The following EVL variants were observed in gnomAD, a reference collection of about 807,000 sequenced individuals.
EVL encodes Enah/Vasp-like, also known as ena/VASP-like protein.
A neutral mutation model predicts 59.6 loss-of-function variants in EVL; 21 were observed. The ratio of observed to expected loss-of-function variants is 0.35; its 90% CI spans 0.25 to 0.51. The LOEUF (loss-of-function observed/expected upper bound fraction) is 0.51. Among genes scored for constraint, EVL ranks in the 20% least tolerant of loss-of-function variants. EVL has a pLI of 0.97. For missense variants in EVL, 462 were observed against 546.6 expected (o/e 0.85, Z 1.54); for synonymous variants, 198 against 203.5 (o/e 0.97, Z 0.23).
chr14:100,128,762 T>C lies in EVL; in HGVS notation c.717+14T>C. ...AGAGTCCAACGGGTAAGAGCTCCTG[T>C]GTGCGGGGTGGGAATGGGACCGAGG... On this transcript the variant is annotated intron_variant, in intron 6 of 13. Coordinates refer to ENST00000392920, the MANE Select transcript of EVL (RefSeq NM_016337.3). 1 of 1,599,656 alleles carries C rather than the reference T, an allele frequency of 6.3e-7. No homozygotes were observed. Among genetic ancestry groups the C allele is most frequent in the Non-Finnish European group, 8.5e-7 (1 of 1,177,572 alleles).
chr14:100,134,556 TCCACACA>T (rs1888647801), intron 8 of EVL: 1 of 152,264 alleles, frequency 6.6e-6, no homozygotes, highest in African/African-American at 2.4e-5. Flanking sequence ...CTTCAGAAGA[TCCACACA>T]CCACACAAGT....
At position 100,084,892 on chromosome 14, in the gene EVL, G is replaced by A. The variant is rs760789587; in HGVS notation, c.180+37G>A. 3.1e-6 allele frequency: 5 copies of A among 1,607,108 alleles called. No individual in the cohort carries two copies. The South Asian group carries it at 5.5e-5, about 18-fold the overall frequency. On this transcript the variant is annotated intron_variant, in intron 2 of 13. Transcript: ENST00000392920. ...AATTACAGATTATACCCGTGAGCCT[G>A]CGCACCACCTCCTCACCGCCCACCC...
chr14:100,038,771 G>GGTGGGTGTGTGTGTGT (rs1555415166), intron 1 of EVL, among the ~76,000 whole-genome samples: 10 of 141,006 alleles, frequency 7.1e-5, no homozygotes, highest in South Asian at 2.4e-4. Flanking sequence ...TGTGCCCTGG[G>GGTGGGTGTGTGTGTGT]GTGTGTGTGT....
Position 100,023,880 on chromosome 14 carries a change from C to A in EVL, c.5+51823C>A, listed in dbSNP as rs1032402343. On this transcript the variant is annotated intron_variant, in intron 1 of 13. Coordinates refer to the EVL transcript ENST00000402714. ...CTGTCTTGAGCATTTTGTGAAATAC[C>A]ATGTAGTTTTCCTTCTACCTCTGGA... 3.0e-4 allele frequency among the ~76,000 whole-genome samples: 46 copies of A among 152,066 alleles called. 1 individual carries two copies. The highest frequency in any genetic ancestry group is 9.8e-4 in the Admixed American group (15 of 15,276).
chr14:100,013,364 A>G (rs776651588), intron 1 of EVL, among the ~76,000 whole-genome samples: 6 of 152,272 alleles, frequency 3.9e-5, no homozygotes, highest in Non-Finnish European at 5.9e-5. Flanking sequence ...ATTTGATAAT[A>G]TTAGCTACCA....
At chr14:100,100,937 C>G (rs1799149042) in intron 3 of EVL, among the ~76,000 whole-genome samples, 2 of 152,132 alleles carry the variant, frequency 1.3e-5, no homozygotes, top group Admixed American at 1.3e-4. Flanking sequence ...CACGATTATC[C>G]TCATGTGGTA....
At chr14:99,987,348 A>C (rs2060845973) in intron 1 of EVL, among the ~76,000 whole-genome samples, 1 of 152,184 alleles carries the variant, frequency 6.6e-6, no homozygotes, top group Non-Finnish European at 1.5e-5. Context: ...TGTCCTTATA[A>C]AAGAGGTTAG....
intron 1 of EVL, among the ~76,000 whole-genome samples, chr14:100,044,329 A>G (rs924743132): frequency 4.6e-5 from 7 of 152,198 alleles, no homozygotes; most frequent in Non-Finnish European, 8.8e-5. Context: ...GATAGTCCCT[A>G]TATTTTTTTA....
chr14:100,057,076 G>A (rs1309251659), intron 1 of EVL, among the ~76,000 whole-genome samples: 9 of 152,154 alleles, frequency 5.9e-5, no homozygotes, highest in Admixed American at 5.9e-4. Flanking sequence ...GATCTTGAAG[G>A]ACAAACCCAA....
Position 100,130,941 on chromosome 14 carries a change from C to G in EVL, c.839+1257C>G, listed in dbSNP as rs898288094. Among the ~76,000 whole-genome samples the G allele has an allele frequency of 2.0e-5, 3 of 152,176 alleles. No homozygotes were observed. The highest frequency in any genetic ancestry group is 1.3e-4 in the Admixed American group (2 of 15,276). Reference sequence around the variant, plus strand: ...GTGTGTGGGGCTTACAGTGGCCACACAAAGGCGAATGGCTCCGTGGGTGAG... The same window carrying G: ...GTGTGTGGGGCTTACAGTGGCCACAGAAAGGCGAATGGCTCCGTGGGTGAG... On this transcript the variant is annotated intron_variant, in intron 7 of 13. Transcript: ENST00000392920. The surrounding 1 kb of genome is among the most constrained non-coding windows in gnomAD (Gnocchi z 4.8).
At position 100,130,175 on chromosome 14, in the gene EVL, G is replaced by A. The variant is rs1038489624; in HGVS notation, c.839+491G>A. 1.1e-4 allele frequency among the ~76,000 whole-genome samples: 16 copies of A among 152,176 alleles called. No homozygotes were observed. Among genetic ancestry groups the A allele is most frequent in the South Asian group, 2.1e-4 (1 of 4,828 alleles). The stretch of plus-strand genomic sequence containing the variant: ...CCCAGAGGGCATTGCCCTGAGCGAC[G>A]GAGAGAGAGTAGTTCCATCTACATC... On this transcript the variant is annotated intron_variant, in intron 7 of 13. Coordinates refer to ENST00000392920, the MANE Select transcript of EVL (RefSeq NM_016337.3). The surrounding 1 kb of genome is among the most constrained non-coding windows in gnomAD (Gnocchi z 4.8).
chr14:100,096,237 T>C (rs896949556), intron 2 of EVL, among the ~76,000 whole-genome samples: 4 of 152,228 alleles, frequency 2.6e-5, no homozygotes, highest in Non-Finnish European at 5.9e-5. Context: ...TAAATCAGCA[T>C]AGAGAGCGTT....
chr14:100,122,688 C>T (rs1887775236), intron 3 of EVL, among the ~76,000 whole-genome samples: 1 of 152,216 alleles, frequency 6.6e-6, no homozygotes, highest in African/African-American at 2.4e-5. Context: ...CTCCCAGTCA[C>T]TGCGACTCTC....
chr14:100,057,057 G>A (rs377292719), intron 1 of EVL, among the ~76,000 whole-genome samples: 1 of 152,142 alleles, frequency 6.6e-6, no homozygotes, highest in East Asian at 1.9e-4. Context: ...AGAAGATACA[G>A]GCAAATTGGA....
chr14:100,104,028 G>A (rs757341843), intron 3 of EVL, among the ~76,000 whole-genome samples: 17 of 152,154 alleles, frequency 1.1e-4, no homozygotes, highest in Admixed American at 3.9e-4. Context: ...TGCCCCAGTC[G>A]CCTGACCTGT....
chr14:100,073,889 T>C (rs2062102080), intron 1 of EVL, among the ~76,000 whole-genome samples: 1 of 151,912 alleles, frequency 6.6e-6, no homozygotes, highest in African/African-American at 2.4e-5. Flanking sequence ...TGCCCCTCAG[T>C]TCAGTGGCAA....
chr14:100,078,066 G>A (rs977259285), intron 1 of EVL, among the ~76,000 whole-genome samples: 11 of 152,312 alleles, frequency 7.2e-5, no homozygotes, highest in East Asian at 1.9e-4. Flanking sequence ...GAGCCACTGC[G>A]CCCGGCCATG....
At chr14:99,983,437 C>G (rs982507979) in intron 1 of EVL, among the ~76,000 whole-genome samples, 1 of 152,240 alleles carries the variant, frequency 6.6e-6, no homozygotes, top group African/African-American at 2.4e-5. Flanking sequence ...AAAGGAGAGA[C>G]ATGCCATTTT....
At position 100,125,169 on chromosome 14, in the gene EVL, T is replaced by TACACAC. The variant is rs34405834; in HGVS notation, c.423-1517_423-1512dup. ...ACACACACCTGCCCCAAGGCAGGAA[T>TACACAC]ACACACACACACACACACACACACA... On this transcript the variant is annotated intron_variant, in intron 4 of 13. Coordinates refer to ENST00000392920, the MANE Select transcript of EVL (RefSeq NM_016337.3). Among the ~76,000 whole-genome samples the TACACAC allele has an allele frequency of 5.5e-3, 571 of 103,140 alleles. 28 individuals are homozygous for TACACAC. Among genetic ancestry groups the TACACAC allele is most frequent in the African/African-American group, 0.024 (510 of 21,680 alleles). The allele number at this position is 103,140 out of a possible 152,430, so 67.7% of individuals were successfully genotyped here. A position where few individuals can be genotyped will look rare whatever the true frequency, so the allele number is the denominator to read the frequency against.
Sources: gnomAD v4.1 joint callset for allele counts (sites outside exome capture counted in the v4.1 genomes callset) on GRCh38, gnomAD v4.1.1 for gene constraint, Gnocchi (gnomAD v3.1) non-coding constraint, MANE v1.5 for transcripts, NCBI Gene and HGNC (gene_info 2026-07-23, HGNC 2026-07-21) for gene names.